The following SMC5 variants were observed in gnomAD, a reference collection of about 807,000 sequenced individuals.
SMC5 encodes the protein structural maintenance of chromosomes protein 5.
SMC5 carries 88 observed loss-of-function variants against 148.3 expected under a neutral mutation model. The ratio of observed to expected loss-of-function variants is 0.59; its 90% CI spans 0.50 to 0.71. SMC5 has a LOEUF of 0.71. Ranked by LOEUF, SMC5 falls within the 30% of genes least tolerant of loss-of-function variation. SMC5 has a pLI of 0.00. For synonymous variants in SMC5, 421 were observed against 432.8 expected, an observed-to-expected ratio of 0.97 and a Z score of 0.34; for missense variants, 1,142 against 1,298.9, an observed-to-expected ratio of 0.88 and a Z score of 1.86.
At chr9:70,304,796 GTTTT>G (rs60372644) in intron 10 of SMC5, among the ~76,000 whole-genome samples, 1 of 148,816 alleles carries the variant, frequency 6.7e-6, no homozygotes, top group Non-Finnish European at 1.5e-5. Context: ...CCATAGCAAG[GTTTT>G]TTTTTTTCCC....
intron 15 of SMC5, among the ~76,000 whole-genome samples, chr9:70,320,666 T>C (rs962537007): frequency 6.6e-6 from 1 of 152,144 alleles, no homozygotes; most frequent in African/African-American, 2.4e-5. Context: ...TTGGAATCCT[T>C]AGGGAGTCCT....
rs530526583 is a variant in SMC5, at chr9:70,300,787, A to AG, written c.1464+587_1464+588insG. Among the ~76,000 whole-genome samples the AG allele has an allele frequency of 8.5e-4, 129 of 152,284 alleles. 1 individual carries two copies. The highest frequency in any genetic ancestry group is 3.0e-3 in the African/African-American group (126 of 41,576). The stretch of plus-strand genomic sequence containing the variant: ...ATGTTTGCCATCCAGACTGTTTAAA[A>AG]TAGTAAGTTTTGGGCACATAAAAGG... On this transcript the variant is annotated intron_variant, in intron 10 of 24. Coordinates refer to ENST00000361138, the MANE Select transcript of SMC5 (RefSeq NM_015110.4).
chr9:70,334,334 T>C (rs116676110), intron 17 of SMC5, among the ~76,000 whole-genome samples: 217 of 152,298 alleles, frequency 1.4e-3, no homozygotes, highest in African/African-American at 5.0e-3. Context: ...GAGAAAATCT[T>C]AGTTACCTTG....
intron 22 of SMC5, among the ~76,000 whole-genome samples, chr9:70,348,560 A>T (rs1188296730): frequency 6.6e-6 from 1 of 151,688 alleles, no homozygotes; most frequent in Admixed American, 6.6e-5. Context: ...GTGCGGTGGT[A>T]TGTACCTGTG....
intron 17 of SMC5, among the ~76,000 whole-genome samples, chr9:70,330,547 T>A (rs1052629189): frequency 1.7e-4 from 24 of 137,438 alleles, no homozygotes; most frequent in Admixed American, 3.0e-4. Flanking sequence ...CATGTAACTT[T>A]CTTTTTTTTT....
At chr9:70,267,233 T>C (rs776485799) in intron 2 of SMC5, among the ~76,000 whole-genome samples, 1 of 152,182 alleles carries the variant, frequency 6.6e-6, no homozygotes, top group Non-Finnish European at 1.5e-5. Flanking sequence ...TTACTATTTG[T>C]GAGGTATATT....
intron 17 of SMC5, among the ~76,000 whole-genome samples, chr9:70,327,958 G>A (rs758693950): frequency 7.9e-5 from 12 of 152,116 alleles, no homozygotes; most frequent in Non-Finnish European, 1.5e-4. Context: ...AAGCAAGCAT[G>A]TCTTACCATG....
At chr9:70,342,035 T>G (rs370673630) in intron 17 of SMC5, among the ~76,000 whole-genome samples, 1 of 149,530 alleles carries the variant, frequency 6.7e-6, no homozygotes, top group Non-Finnish European at 1.5e-5. Context: ...GTGGCACATA[T>G]ACACCATGGA....
intron 3 of SMC5, among the ~76,000 whole-genome samples, chr9:70,271,733 G>T (rs546544766): frequency 6.6e-6 from 1 of 152,144 alleles, no homozygotes; most frequent in Non-Finnish European, 1.5e-5. Flanking sequence ...TGAGAAGATA[G>T]GATTTAAGCA....
chr9:70,262,311 A>G (rs2034159936), intron 1 of SMC5, among the ~76,000 whole-genome samples: 1 of 152,184 alleles, frequency 6.6e-6, no homozygotes, highest in African/African-American at 2.4e-5. Flanking sequence ...TAAGGAGAGA[A>G]TAGGGAAAGG....
In SMC5 at chr9:70,277,340, C is replaced by T; in HGVS notation, c.411C>T (p.Thr137=). ...GGGCTTCTGGAAATCTTGTAATCACCCGTGAGATTGATGTGGCAAAAAATC... is the reference window on the plus strand; with the variant it reads ...GGGCTTCTGGAAATCTTGTAATCACTCGTGAGATTGATGTGGCAAAAAATC... ...LFRASGNLVI[T]REIDVAKNQS... is the part of the protein sequence containing the mutation. Residue 137 remains threonine, a synonymous_variant, in exon 4 of 25, where the codon ACC becomes ACT. Coordinates refer to ENST00000361138, the MANE Select transcript of SMC5 (RefSeq NM_015110.4). The T allele has an allele frequency of 6.3e-7, 1 of 1,594,618 alleles. No homozygotes were observed. The highest frequency in any genetic ancestry group is 8.5e-7 in the Non-Finnish European group (1 of 1,170,566).
At chr9:70,350,544 C>A in intron 24 of SMC5, 73 bp downstream of exon 24, 1 of 956,338 alleles carries the variant, frequency 1.0e-6, no homozygotes, top group Non-Finnish European at 1.5e-6. Flanking sequence ...AGTTTTTGTC[C>A]CAACATGCAC....
At chr9:70,349,668 C>A (rs2036757037) in intron 22 of SMC5, among the ~76,000 whole-genome samples, 1 of 152,140 alleles carries the variant, frequency 6.6e-6, no homozygotes, top group African/African-American at 2.4e-5. Flanking sequence ...AGTTACCATA[C>A]ACAACCACTT....
intron 11 of SMC5, among the ~76,000 whole-genome samples, chr9:70,312,944 T>G (rs1157263734): frequency 6.6e-6 from 1 of 152,202 alleles, no homozygotes; most frequent in Non-Finnish European, 1.5e-5. Flanking sequence ...ATAAAAGGAC[T>G]TGGGAAGTGT....
intron 17 of SMC5, among the ~76,000 whole-genome samples, chr9:70,342,599 A>G (rs2036557775): frequency 6.6e-6 from 1 of 152,096 alleles, no homozygotes; most frequent in African/African-American, 2.4e-5. Context: ...ACCTTGGGCA[A>G]GTTTCTTAAT....
At chr9:70,289,886 A>G (rs1436085562) in intron 8 of SMC5, among the ~76,000 whole-genome samples, 3 of 150,996 alleles carry the variant, frequency 2.0e-5, no homozygotes, top group Non-Finnish European at 4.4e-5. Flanking sequence ...TATTATTATT[A>G]TTATTATTAT....
At chr9:70,304,642 G>A (rs1405753494) in intron 10 of SMC5, among the ~76,000 whole-genome samples, 2 of 152,134 alleles carry the variant, frequency 1.3e-5, no homozygotes, top group African/African-American at 4.8e-5. Flanking sequence ...AGCTGAGATC[G>A]TGCCATTGCA....
At chr9:70,329,728 C>T (rs1387649460) in intron 17 of SMC5, among the ~76,000 whole-genome samples, 1 of 152,162 alleles carries the variant, frequency 6.6e-6, no homozygotes, top group African/African-American at 2.4e-5. Flanking sequence ...TTTCAGTTAT[C>T]TTTATAGCAA....
At chr9:70,322,083 T>A (rs778696704) in intron 15 of SMC5, among the ~76,000 whole-genome samples, 2 of 152,232 alleles carry the variant, frequency 1.3e-5, no homozygotes, top group South Asian at 4.1e-4. Context: ...TTAGGAAGAT[T>A]TGTTCTTTGT....
Sources: allele counts gnomAD v4.1 joint callset (sites outside exome capture counted in the v4.1 genomes callset), GRCh38; gene constraint gnomAD v4.1.1; transcripts MANE v1.5; gene names NCBI Gene and HGNC (gene_info 2026-07-23, HGNC 2026-07-21).